Variants in DYRK3 observed in about 807,000 individuals in gnomAD.
DYRK3 encodes dual specificity tyrosine phosphorylation regulated kinase 3, also known as dual specificity tyrosine-phosphorylation-regulated kinase 3.
DYRK3 carries 30 observed loss-of-function variants against 40.8 expected under a neutral mutation model. The ratio of observed to expected loss-of-function variants is 0.74; its 90% CI spans 0.55 to 1.00. DYRK3 has a LOEUF of 1.00. Among genes scored for constraint, DYRK3 ranks in the 50% least tolerant of loss-of-function variants. The pLI, the probability that DYRK3 is intolerant of heterozygous loss-of-function variation, is 0.00. For synonymous variants in DYRK3, 272 were observed against 260.7 expected (o/e 1.04, Z -0.42); for missense variants, 699 against 731.5 (o/e 0.96, Z 0.51).
rs200378422 is a variant in DYRK3 at position 206,648,726 on chromosome 1, C to T, written c.1528C>T (p.Arg510Cys). 19 of 1,613,866 alleles carry T rather than the reference C, an allele frequency of 1.2e-5. No individual in the cohort carries two copies. Among genetic ancestry groups the T allele is most frequent in the East Asian group, 4.5e-5 (2 of 44,892 alleles). Residue 510 changes from arginine to cysteine, a missense_variant, in exon 3 of 3, where the codon CGC becomes TGC. Transcript: ENST00000367109. ...GTGTCTTCACTGGGACCCCTCTGCCCGCTTGACCCCAGCTCAAGCATTAAG... is the reference window on the plus strand; with the variant it reads ...GTGTCTTCACTGGGACCCCTCTGCCTGCTTGACCCCAGCTCAAGCATTAAG... ...KRCLHWDPSA[R>C]LTPAQALRHP...
chr1:206,649,055 T>C lies in DYRK3; in HGVS notation c.*90T>C, dbSNP rs781966083. On this transcript the variant is annotated 3_prime_UTR_variant, in exon 3 of 3. Coordinates refer to ENST00000367109, the MANE Select transcript of DYRK3 (RefSeq NM_003582.4). ...GAAAAAATGCAAGCCCATTGGTGGA[T>C]GTTTTTGTTAGAGTAGACTTTTTTT... is the stretch of plus-strand genomic sequence containing the variant. 2 of 1,384,834 alleles carry C rather than the reference T, an allele frequency of 1.4e-6. No homozygotes were observed. Among genetic ancestry groups the C allele is most frequent in the Non-Finnish European group, 1.9e-6 (2 of 1,037,498 alleles). 85.8% of individuals were successfully genotyped at this position (1,384,834 alleles called of 1,614,324 possible).
intron 2 of DYRK3, among the ~76,000 whole-genome samples, chr1:206,638,179 A>G (rs782469228): frequency 6.6e-6 from 1 of 151,822 alleles, no homozygotes; most frequent in Non-Finnish European, 1.5e-5. Flanking sequence ...GTTTATTAGT[A>G]TACTAAAGAG....
rs1200966579 is a variant in DYRK3 at position 206,649,733 on chromosome 1, G to A, written c.*768G>A. On this transcript the variant is annotated 3_prime_UTR_variant, in exon 3 of 3. Coordinates refer to ENST00000367109, the MANE Select transcript of DYRK3 (RefSeq NM_003582.4). ...ATAAAACAGCTTCTCTGCCACAATT[G>A]ACCCAGAGTGGTAAAGATAGAGAAT... is the stretch of plus-strand genomic sequence containing the variant. 2.0e-5 allele frequency among the ~76,000 whole-genome samples: 3 copies of A among 152,092 alleles called. No individual in the cohort carries two copies.
At chr1:206,639,465 A>ATTTTTT (rs11400833) in intron 2 of DYRK3, among the ~76,000 whole-genome samples, 3 of 118,534 alleles carry the variant, frequency 2.5e-5, no homozygotes, top group Middle Eastern at 5.1e-3. Flanking sequence ...ATTTTAACTG[A>ATTTTTT]TTTTTTTTTT....
At chr1:206,639,565 G>A (rs952183665) in intron 2 of DYRK3, among the ~76,000 whole-genome samples, 1 of 148,670 alleles carries the variant, frequency 6.7e-6, no homozygotes, top group Non-Finnish European at 1.5e-5. Context: ...GGGTTCAAGT[G>A]ATTCTCCTGC....
chr1:206,653,210 G>T lies in DYRK3; in HGVS notation c.*4245G>T, dbSNP rs1471055211. 1.3e-5 allele frequency among the ~76,000 whole-genome samples: 2 copies of T among 152,036 alleles called. No individual in the cohort carries two copies. The highest frequency in any genetic ancestry group is 4.8e-5 in the African/African-American group (2 of 41,372). Reference sequence around the variant, plus strand: ...TTTTTTGTATATCTGTAGAGAGGGGGTTTCACCATGTTGCTCGGGCTGGTC... The same window carrying T: ...TTTTTTGTATATCTGTAGAGAGGGGTTTTCACCATGTTGCTCGGGCTGGTC... On this transcript the variant is annotated 3_prime_UTR_variant, in exon 3 of 3. Coordinates refer to ENST00000367109, the MANE Select transcript of DYRK3 (RefSeq NM_003582.4).
At position 206,648,869 on chromosome 1, in the gene DYRK3, A is replaced by C; in HGVS notation, c.1671A>C (p.Pro557=). 1 of 1,614,230 alleles carries C rather than the reference A, an allele frequency of 6.2e-7. No homozygotes were observed. The highest frequency in any genetic ancestry group is 2.2e-5 in the East Asian group (1 of 44,880). The change falls in exon 3 of 3, where the codon CCA becomes CCC. Residue 557 remains proline (P), a synonymous_variant. Coordinates refer to ENST00000367109, the MANE Select transcript of DYRK3 (RefSeq NM_003582.4). ...AFQGLGSKLP[P]VVGIANKLKA... is the part of the protein sequence containing the mutation. ...AGGGATTGGGTTCTAAGCTGCCTCC[A>C]GTTGTTGGAATAGCCAATAAGCTTA...
In DYRK3 at chr1:206,647,696, A is replaced by G; in HGVS notation, c.498A>G (p.Pro166=). Residue 166 remains proline, a synonymous_variant, in exon 3 of 3, where the codon CCA becomes CCG. Coordinates refer to ENST00000367109, the MANE Select transcript of DYRK3 (RefSeq NM_003582.4). ...AYEKLEIINY[P]EIYFVGPNAK... Reference sequence around the variant, plus strand: ...AGAAACTGGAAATAATTAATTATCCAGAAATTTACTTTGTAGGTCCAAATG... The same window carrying G: ...AGAAACTGGAAATAATTAATTATCCGGAAATTTACTTTGTAGGTCCAAATG... 6.2e-7 allele frequency: 1 copy of G among 1,614,234 alleles called. No individual in the cohort carries two copies. Among genetic ancestry groups the G allele is most frequent in the Admixed American group, 1.7e-5 (1 of 60,032 alleles).
In DYRK3 at chr1:206,654,826, G is replaced by A. The variant is rs1241746797; in HGVS notation, c.*5861G>A. Among the ~76,000 whole-genome samples, 8 of 152,186 alleles carry A rather than the reference G, an allele frequency of 5.3e-5. No individual in the cohort carries two copies. The highest frequency in any genetic ancestry group is 4.6e-4 in the Admixed American group (7 of 15,284). On this transcript the variant is annotated 3_prime_UTR_variant, in exon 3 of 3. Transcript: ENST00000367109. Reference sequence around the variant, plus strand: ...TGATTCTTAATATAGCCCACCCATCGCTAAGTCAAGCCTAGACTCTAATAT... The same window carrying A: ...TGATTCTTAATATAGCCCACCCATCACTAAGTCAAGCCTAGACTCTAATAT...
rs1311317300 is a variant in DYRK3, at chr1:206,648,288, C to T, written c.1090C>T (p.Gln364Ter). 6.2e-7 allele frequency: 1 copy of T among 1,613,480 alleles called. No homozygotes were observed. Among genetic ancestry groups the T allele is most frequent in the Non-Finnish European group, 8.5e-7 (1 of 1,179,848 alleles). Residue 364 changes from glutamine to a stop codon, truncating the protein, a stop_gained, in exon 3 of 3, where the codon CAG becomes TAG. Coordinates refer to ENST00000367109, the MANE Select transcript of DYRK3 (RefSeq NM_003582.4). LOFTEE classifies it high-confidence loss of function. ...IDFGSSCFEY[Q>*]KLYTYIQSRF... is the part of the protein sequence containing the mutation. ...CTTTGGGTCCAGCTGTTTCGAGTAC[C>T]AGAAGCTCTACACATATATCCAGTC...
At chr1:206,637,099 A>G in intron 1 of DYRK3, 2 of 667,578 alleles carry the variant, frequency 3.0e-6, no homozygotes, top group Non-Finnish European at 5.2e-6. Flanking sequence ...ACAGCCTTAA[A>G]AAGGCCTTTT....
chr1:206,650,130 T>A lies in DYRK3; in HGVS notation c.*1165T>A, dbSNP rs950342226. Among the ~76,000 whole-genome samples the A allele has an allele frequency of 6.6e-6, 1 of 152,258 alleles. No homozygotes were observed. Among genetic ancestry groups the A allele is most frequent in the African/African-American group, 2.4e-5 (1 of 41,472 alleles). Reference sequence around the variant, plus strand: ...CAGTGAGGGCTGATAATAAAACTAATTGTTAAGCCAGTGTCCTACTTACAA... The same window carrying A: ...CAGTGAGGGCTGATAATAAAACTAAATGTTAAGCCAGTGTCCTACTTACAA... On this transcript the variant is annotated 3_prime_UTR_variant, in exon 3 of 3. Coordinates refer to ENST00000367109, the MANE Select transcript of DYRK3 (RefSeq NM_003582.4).
chr1:206,637,762 G>GT lies in DYRK3; in HGVS notation c.189+2dup. 1 of 1,604,806 alleles carries GT rather than the reference G, an allele frequency of 6.2e-7. No individual in the cohort carries two copies. The highest frequency in any genetic ancestry group is 8.5e-7 in the Non-Finnish European group (1 of 1,172,086). On this transcript the variant is annotated splice_donor_variant, in intron 2 of 2. Transcript: ENST00000367109. LOFTEE classifies it high-confidence loss of function. ...ACCACCTCCACCCAGAAGACTAAAT[G>GT]TAAGTAAAAGAAGTCATTCTTTGTA...
intron 2 of DYRK3, among the ~76,000 whole-genome samples, chr1:206,640,547 ATTTTT>A (rs11301093): frequency 2.4e-5 from 3 of 126,366 alleles, no homozygotes; most frequent in Admixed American, 8.0e-5. Context: ...TCTCAGCAAG[ATTTTT>A]TTTTTTTTTT....
Position 206,654,375 on chromosome 1 carries a change from G to A in DYRK3, c.*5410G>A, listed in dbSNP as rs1382741330. ...TGTAGAACGCTATAACTTACTATGC[G>A]TAGAGCAGCGGCAGGCATTCATGCT... On this transcript the variant is annotated 3_prime_UTR_variant, in exon 3 of 3. Transcript: ENST00000367109. 1.3e-5 allele frequency among the ~76,000 whole-genome samples: 2 copies of A among 152,374 alleles called. No individual in the cohort carries two copies. Among genetic ancestry groups the A allele is most frequent in the Admixed American group, 6.5e-5 (1 of 15,308 alleles).
intron 2 of DYRK3, among the ~76,000 whole-genome samples, chr1:206,640,797 G>A (rs1368605375): frequency 1.3e-5 from 2 of 151,786 alleles, no homozygotes; most frequent in African/African-American, 2.4e-5. Context: ...TGATCCGCCC[G>A]CCTTGGCCTC....
rs556215002 is a variant in DYRK3, at chr1:206,654,791, A to T, written c.*5826A>T. On this transcript the variant is annotated 3_prime_UTR_variant, in exon 3 of 3. Transcript: ENST00000367109. ...CAAATGCATCGTCTAGACTTTGAAG[A>T]AGCAGGGTATGATTCTTAATATAGC... is the stretch of plus-strand genomic sequence containing the variant. Among the ~76,000 whole-genome samples, 5 of 152,342 alleles carry T rather than the reference A, an allele frequency of 3.3e-5. No individual in the cohort carries two copies. The highest frequency in any genetic ancestry group is 1.2e-4 in the African/African-American group (5 of 41,582).
Position 206,654,052 on chromosome 1 carries a change from A to T in DYRK3, c.*5087A>T, listed in dbSNP as rs1553421609. ...GCTTAATTCGTAACTAGGCATAATT[A>T]AAGTTAAATGCTAAATTTTAGGTAG... On this transcript the variant is annotated 3_prime_UTR_variant, in exon 3 of 3. Transcript: ENST00000367109. 6.6e-6 allele frequency among the ~76,000 whole-genome samples: 1 copy of T among 152,268 alleles called. No individual in the cohort carries two copies. The highest frequency in any genetic ancestry group is 1.5e-5 in the Non-Finnish European group (1 of 68,048).
At chr1:206,638,800 A>G (rs1671194670) in intron 2 of DYRK3, among the ~76,000 whole-genome samples, 1 of 150,794 alleles carries the variant, frequency 6.6e-6, no homozygotes, top group Non-Finnish European at 1.5e-5. Flanking sequence ...AATTGTTTCT[A>G]TATGGAAAAA....
Sources: gnomAD v4.1 joint callset for allele counts (sites outside exome capture counted in the v4.1 genomes callset) on GRCh38, gnomAD v4.1.1 for gene constraint, MANE v1.5 for transcripts, NCBI Gene and HGNC (gene_info 2026-07-23, HGNC 2026-07-21) for gene names.